Variants in CTIF observed in about 807,000 individuals in gnomAD.
The protein encoded by CTIF is CBP80/20-dependent translation initiation factor.
Under a neutral mutation model 66.0 loss-of-function variants are expected in CTIF, and 21 were observed. The observed-to-expected ratio is 0.32, with a 90% CI of 0.23 to 0.46. CTIF has a LOEUF of 0.46. CTIF is among the 20% of genes least tolerant of loss of function. The pLI is 1.00. For synonymous variants in CTIF, 345 were observed against 326.4 expected, an observed-to-expected ratio of 1.06 and a Z score of -0.62; for missense variants, 739 against 812.7, an observed-to-expected ratio of 0.91 and a Z score of 1.10.
chr18:48,717,190 A>G (rs1282285369), intron 7 of CTIF, among the ~76,000 whole-genome samples: 1 of 152,098 alleles, frequency 6.6e-6, no homozygotes, highest in African/African-American at 2.4e-5. Context: ...CCTGAGGTTC[A>G]GGGGTTTGAG....
chr18:48,735,878 C>G (rs193223019), intron 7 of CTIF, among the ~76,000 whole-genome samples: 1 of 152,098 alleles, frequency 6.6e-6, no homozygotes, highest in African/African-American at 2.4e-5. Flanking sequence ...CTAAACACTC[C>G]GTAAATGTTT....
At chr18:48,605,120 C>T (rs946738542) in intron 1 of CTIF, among the ~76,000 whole-genome samples, 4 of 152,182 alleles carry the variant, frequency 2.6e-5, no homozygotes, top group African/African-American at 9.7e-5. Context: ...CATGTGTTTT[C>T]ATTTTTCTCA....
chr18:48,725,584 GC>G lies in CTIF; in HGVS notation c.584+13893del, dbSNP rs2092379445. 2.0e-5 allele frequency among the ~76,000 whole-genome samples: 3 copies of G among 152,274 alleles called. No individual in the cohort carries two copies. In the South Asian group the frequency reaches 6.2e-4, roughly 32 times the overall value. On this transcript the variant is annotated intron_variant, in intron 7 of 11. Transcript: ENST00000256413. The stretch of plus-strand genomic sequence containing the variant: ...TCCCACCTTCCTCTACTCTCATGCG[GC>G]CCCTTTTGACCCCAGATTTACTGCT...
At chr18:48,560,635 A>G (rs938269519) in intron 1 of CTIF, among the ~76,000 whole-genome samples, 23 of 151,932 alleles carry the variant, frequency 1.5e-4, no homozygotes, top group African/African-American at 5.3e-4. Flanking sequence ...CAGTGGTGTG[A>G]CCTCAGCTCA....
chr18:48,635,939 C>T lies in CTIF; in HGVS notation c.181-675C>T, dbSNP rs186202910. Among the ~76,000 whole-genome samples the T allele has an allele frequency of 8.6e-4, 131 of 152,280 alleles. 3 individuals are homozygous for T. The highest frequency in any genetic ancestry group is 3.1e-3 in the African/African-American group (127 of 41,566). On this transcript the variant is annotated intron_variant, in intron 2 of 11. Transcript: ENST00000256413. ...CTCCCAATGCATCCCTTGGGGAGCT[C>T]GTCAAAATGCTGATCCTCTGGCCCT...
intron 6 of CTIF, among the ~76,000 whole-genome samples, chr18:48,674,126 G>T (rs1435023947): frequency 6.6e-6 from 1 of 152,212 alleles, no homozygotes; most frequent in African/African-American, 2.4e-5. Context: ...TCATGGACAA[G>T]TGCTCTGCCC....
In CTIF at chr18:48,717,255, C is replaced by G. The variant is rs572470165; in HGVS notation, c.584+5560C>G. ...TCTCTACTAAAAATACAAAATTAGCCGAGCGTGGTGGTGCAGCCTATAATC... is the reference window on the plus strand; with the variant it reads ...TCTCTACTAAAAATACAAAATTAGCGGAGCGTGGTGGTGCAGCCTATAATC... On this transcript the variant is annotated intron_variant, in intron 7 of 11. Coordinates refer to ENST00000256413, the MANE Select transcript of CTIF (RefSeq NM_014772.3). Among the ~76,000 whole-genome samples the G allele has an allele frequency of 6.6e-5, 10 of 151,966 alleles. No homozygotes were observed. The South Asian group carries it at 2.1e-3, about 32-fold the overall frequency.
intron 7 of CTIF, among the ~76,000 whole-genome samples, chr18:48,749,222 G>A (rs1907552643): frequency 1.3e-5 from 2 of 152,228 alleles, no homozygotes; most frequent in Admixed American, 1.3e-4. Context: ...TGAGACAGCA[G>A]AGGGCCAGCT....
chr18:48,715,277 A>G (rs780843017), intron 7 of CTIF, among the ~76,000 whole-genome samples: 10 of 152,222 alleles, frequency 6.6e-5, no homozygotes, highest in Non-Finnish European at 1.2e-4. Context: ...GCTCATGGAC[A>G]GTTCAAAGGT....
intron 3 of CTIF, among the ~76,000 whole-genome samples, chr18:48,648,962 A>G (rs2091103747): frequency 6.6e-6 from 1 of 152,210 alleles, no homozygotes; most frequent in Non-Finnish European, 1.5e-5. Flanking sequence ...TCTACTAAAA[A>G]TACAAAAATT....
intron 3 of CTIF, among the ~76,000 whole-genome samples, chr18:48,640,949 T>C (rs553512304): frequency 2.6e-4 from 40 of 151,688 alleles, no homozygotes; most frequent in Non-Finnish European, 4.6e-4. Flanking sequence ...GCCCAGAGAG[T>C]GTAGAGCATA....
intron 9 of CTIF, among the ~76,000 whole-genome samples, chr18:48,786,326 G>A (rs887641602): frequency 2.0e-5 from 3 of 152,182 alleles, no homozygotes; most frequent in Admixed American, 1.3e-4. Flanking sequence ...GCCTCACTCA[G>A]CAGATGCTCT....
chr18:48,718,463 G>A (rs531240691), intron 7 of CTIF, among the ~76,000 whole-genome samples: 2 of 152,278 alleles, frequency 1.3e-5, no homozygotes, highest in African/African-American at 2.4e-5. Flanking sequence ...ACCCAAGTCC[G>A]AAGGCCAAGA....
intron 1 of CTIF, among the ~76,000 whole-genome samples, chr18:48,579,407 A>C (rs60327862): frequency 5.3e-5 from 8 of 152,038 alleles, no homozygotes; most frequent in African/African-American, 1.5e-4. Context: ...CGGCTTCCCA[A>C]AGTGCTGGGA....
chr18:48,663,521 G>A (rs1296145011), intron 3 of CTIF, among the ~76,000 whole-genome samples: 1 of 152,074 alleles, frequency 6.6e-6, no homozygotes, highest in African/African-American at 2.4e-5. Context: ...TGGGGCAGCA[G>A]GGGCCTGGAC....
intron 7 of CTIF, among the ~76,000 whole-genome samples, chr18:48,715,953 T>A (rs566879304): frequency 7.9e-5 from 12 of 152,324 alleles, no homozygotes; most frequent in African/African-American, 2.6e-4. Flanking sequence ...CCTCCATGTC[T>A]GTTGGTCATC....
chr18:48,677,576 G>A (rs1259035176), intron 6 of CTIF, among the ~76,000 whole-genome samples: 1 of 152,186 alleles, frequency 6.6e-6, no homozygotes, highest in Admixed American at 6.5e-5. Flanking sequence ...CATGGAGCAC[G>A]TACTGTTATT....
chr18:48,789,870 T>A (rs753622963), intron 9 of CTIF, among the ~76,000 whole-genome samples: 1 of 152,226 alleles, frequency 6.6e-6, no homozygotes, highest in Non-Finnish European at 1.5e-5. Context: ...TTCCTAGGAA[T>A]GTAGGGTACT....
intron 9 of CTIF, among the ~76,000 whole-genome samples, chr18:48,797,503 G>T (rs1219393587): frequency 6.8e-6 from 1 of 147,054 alleles, no homozygotes; most frequent in Non-Finnish European, 1.5e-5. Context: ...GGGGTGGGGG[G>T]GCAAGTTTCT....
Sources: gnomAD v4.1 joint callset for allele counts (sites outside exome capture counted in the v4.1 genomes callset) on GRCh38, gnomAD v4.1.1 for gene constraint, MANE v1.5 for transcripts, NCBI Gene and HGNC (gene_info 2026-07-23, HGNC 2026-07-21) for gene names.